The following PCDHGA5 variants were observed in gnomAD, a reference collection of about 807,000 sequenced individuals.
PCDHGA5 encodes protocadherin gamma-A5.
Under a neutral mutation model 56.7 loss-of-function variants are expected in PCDHGA5, and 36 were observed. That is an observed-to-expected ratio of 0.64 (90% confidence interval 0.49 to 0.84). PCDHGA5 has a LOEUF of 0.84. Among genes scored for constraint, PCDHGA5 ranks in the 40% least tolerant of loss-of-function variants. The pLI is 0.00. For synonymous variants in PCDHGA5, 563 were observed against 520.2 expected, an observed-to-expected ratio of 1.08 and a Z score of -1.12; for missense variants, 1,305 against 1,201.5, an observed-to-expected ratio of 1.09 and a Z score of -1.27.
chr5:141,399,639 C>A lies in PCDHGA5; in HGVS notation c.2421+32888C>A, dbSNP rs1405309490. On this transcript the variant is annotated intron_variant, in intron 1 of 3. Transcript: ENST00000518069. ...CACTGGCCTCTTACGTGTCCATGAG[C>A]GCGCAAAGTGGGGTGGTGTTCGCGC... 5 of 1,613,858 alleles carry A rather than the reference C, an allele frequency of 3.1e-6. No individual in the cohort carries two copies. The highest frequency in any genetic ancestry group is 3.4e-6 in the Non-Finnish European group (4 of 1,179,886).
intron 1 of PCDHGA5, among the ~76,000 whole-genome samples, chr5:141,438,397 C>A (rs950830331): frequency 6.6e-6 from 1 of 151,624 alleles, no homozygotes. Context: ...TCATCATTAA[C>A]TCTCTGAAGT....
At chr5:141,442,202 G>A (rs1033563159) in intron 1 of PCDHGA5, 2 of 153,258 alleles carry the variant, frequency 1.3e-5, no homozygotes, top group African/African-American at 4.8e-5. Context: ...TTTATATCTG[G>A]TGATTGCCTT....
chr5:141,394,347 G>A lies in PCDHGA5; in HGVS notation c.2421+27596G>A, dbSNP rs770737407. 1.9e-6 allele frequency: 3 copies of A among 1,614,118 alleles called. No homozygotes were observed. The South Asian group carries it at 3.3e-5, about 18-fold the overall frequency. On this transcript the variant is annotated intron_variant, in intron 1 of 3. Coordinates refer to ENST00000518069, the MANE Select transcript of PCDHGA5 (RefSeq NM_018918.3). ...GTATATCTCCATCAACTCTGACACC[G>A]GTGTCCTGTATGCGCTGCAATCTTT...
intron 1 of PCDHGA5, among the ~76,000 whole-genome samples, chr5:141,449,680 T>C (rs2098651613): frequency 6.6e-6 from 1 of 151,546 alleles, no homozygotes; most frequent in Admixed American, 6.6e-5. Flanking sequence ...TATGTATATA[T>C]GTTTGTGTGT....
chr5:141,417,785 A>C (rs1273908599), intron 1 of PCDHGA5: 22 of 1,476,018 alleles, frequency 1.5e-5, no homozygotes, highest in Non-Finnish European at 1.7e-5. Context: ...TCCTGGGCCG[A>C]ATGCTCTTTT....
At chr5:141,494,156 C>T (rs566096073) in intron 1 of PCDHGA5, among the ~76,000 whole-genome samples, 22 of 152,316 alleles carry the variant, frequency 1.4e-4, no homozygotes, top group African/African-American at 4.3e-4. Context: ...TTGTCTGGCA[C>T]GGAGTTCTAG....
intron 1 of PCDHGA5, among the ~76,000 whole-genome samples, chr5:141,381,060 A>G (rs1776965046): frequency 6.6e-6 from 1 of 152,246 alleles, no homozygotes; most frequent in South Asian, 2.1e-4. Flanking sequence ...GTGAATGCAA[A>G]GATAACTATG....
At chr5:141,503,675 T>C (rs1233495836) in intron 2 of PCDHGA5, among the ~76,000 whole-genome samples, 1 of 152,104 alleles carries the variant, frequency 6.6e-6, no homozygotes. Flanking sequence ...CTTCCCACTT[T>C]TGGGAAGGAG....
At chr5:141,399,833 C>A in intron 1 of PCDHGA5, 1 of 1,613,140 alleles carries the variant, frequency 6.2e-7, no homozygotes, top group Non-Finnish European at 8.5e-7. Context: ...GACGGCTCTG[C>A]GCTCTTCGAT....
intron 1 of PCDHGA5, chr5:141,422,118 ACAAACTGGAGAAGTT>A (rs1243312753): frequency 6.2e-7 from 1 of 1,604,312 alleles, no homozygotes; most frequent in Non-Finnish European, 8.5e-7. Flanking sequence ...AATTGGATTC[ACAAACTGGAGAAGTT>A]CAAGTACGGG....
intron 1 of PCDHGA5, chr5:141,423,881 G>A (rs2096788712): frequency 7.8e-7 from 1 of 1,281,784 alleles, no homozygotes; most frequent in Non-Finnish European, 9.9e-7. Flanking sequence ...TTCAATCTTG[G>A]CATATTTTCT....
intron 1 of PCDHGA5, chr5:141,419,303 G>A (rs1561779463): frequency 1.2e-6 from 2 of 1,613,970 alleles, no homozygotes; most frequent in Non-Finnish European, 1.7e-6. Flanking sequence ...CCCAGACTTC[G>A]GGCTCAACGG....
chr5:141,437,945 C>A (rs1204633193), intron 1 of PCDHGA5, among the ~76,000 whole-genome samples: 1 of 152,112 alleles, frequency 6.6e-6, no homozygotes, highest in Non-Finnish European at 1.5e-5. Flanking sequence ...ACCATATTGG[C>A]CAGAATGGTC....
In PCDHGA5 at chr5:141,380,794, G is replaced by A. The variant is rs116753480; in HGVS notation, c.2421+14043G>A. ...AGACTTTTTTAAAACAGTAGAATAA[G>A]AAACAAATGTGAGATGAAACTATGA... On this transcript the variant is annotated intron_variant, in intron 1 of 3. Transcript: ENST00000518069. Among the ~76,000 whole-genome samples, 564 of 152,260 alleles carry A rather than the reference G, an allele frequency of 3.7e-3. 3 individuals are homozygous for A. The highest frequency in any genetic ancestry group is 0.013 in the African/African-American group (534 of 41,542).
At chr5:141,488,478 A>T (rs1251914951) in intron 1 of PCDHGA5, among the ~76,000 whole-genome samples, 5 of 152,072 alleles carry the variant, frequency 3.3e-5, no homozygotes, top group African/African-American at 4.8e-5. Flanking sequence ...ATGTTCCCCT[A>T]CCCAAAAACT....
At chr5:141,389,751 G>A (rs755499740) in intron 1 of PCDHGA5, 1 of 1,612,800 alleles carries the variant, frequency 6.2e-7, no homozygotes, top group Non-Finnish European at 8.5e-7. Flanking sequence ...GCGCACGGGC[G>A]AAGTGCGCAC....
intron 1 of PCDHGA5, among the ~76,000 whole-genome samples, chr5:141,462,990 A>T (rs181384059): frequency 1.8e-3 from 278 of 152,244 alleles, no homozygotes; most frequent in Non-Finnish European, 3.4e-3. Context: ...GCCTTGGGCT[A>T]ATTTAGACCT....
intron 1 of PCDHGA5, chr5:141,418,421 G>A (rs776535087): frequency 2.5e-6 from 4 of 1,613,966 alleles, no homozygotes; most frequent in Non-Finnish European, 3.4e-6. Flanking sequence ...CAATCCTGAT[G>A]GTGGCAAATA....
rs1040753474 is a variant in PCDHGA5 at position 141,511,446 on chromosome 5, G to T, written c.*273G>T. 3.1e-6 allele frequency: 2 copies of T among 654,526 alleles called. No individual in the cohort carries two copies. The highest frequency in any genetic ancestry group is 3.7e-5 in the African/African-American group (2 of 54,758). 40.5% of individuals were successfully genotyped at this position (654,526 alleles called of 1,614,324 possible). A position where few individuals can be genotyped will look rare whatever the true frequency, so the allele number is the denominator to read the frequency against. ...GTAGTGGGGTTACTGTAGACACCAA[G>T]AACCATTTGCCACACCCCGTTTAGT... On this transcript the variant is annotated 3_prime_UTR_variant, in exon 4 of 4. Transcript: ENST00000518069.
Sources: gnomAD v4.1 joint callset for allele counts (sites outside exome capture counted in the v4.1 genomes callset) on GRCh38, gnomAD v4.1.1 for gene constraint, MANE v1.5 for transcripts, NCBI Gene and HGNC (gene_info 2026-07-23, HGNC 2026-07-21) for gene names.